Variants in CFAP77 observed in about 807,000 individuals in gnomAD.
CFAP77 encodes cilia- and flagella-associated protein 77.
CFAP77 carries 25 observed loss-of-function variants against 31.1 expected under a neutral mutation model. That is an observed-to-expected ratio of 0.80 (90% CI 0.59 to 1.12). CFAP77 has a LOEUF of 1.12. Ranked by LOEUF, CFAP77 falls within the 50% of genes most tolerant of loss-of-function variation. CFAP77 has a pLI of 0.00. For synonymous variants in CFAP77, 151 were observed against 159.9 expected (o/e 0.94, Z 0.42); for missense variants, 377 against 397.3 (o/e 0.95, Z 0.44).
At position 132,547,243 on chromosome 9, in the gene CFAP77, G is replaced by T. The variant is rs576794802; in HGVS notation, c.732+4196G>T. Among the ~76,000 whole-genome samples the T allele has an allele frequency of 7.2e-5, 11 of 152,274 alleles. No homozygotes were observed. The South Asian group carries it at 1.7e-3, about 23-fold the overall frequency. ...GCATGACTCCAGGGACAGCCAGACGGGGTCAAGTGGTGACCCTGCCACACC... is the reference window on the plus strand; with the variant it reads ...GCATGACTCCAGGGACAGCCAGACGTGGTCAAGTGGTGACCCTGCCACACC... On this transcript the variant is annotated intron_variant, in intron 5 of 5. Transcript: ENST00000393216.
chr9:132,466,463 T>C (rs116456010), intron 1 of CFAP77, among the ~76,000 whole-genome samples: 1,971 of 152,210 alleles, frequency 0.013, 46 homozygotes, highest in African/African-American at 0.045. Context: ...ACTTGGGTCA[T>C]GGGATGGGGA....
At chr9:132,412,709 T>A (rs1414209833) in intron 1 of CFAP77, among the ~76,000 whole-genome samples, 2 of 152,162 alleles carry the variant, frequency 1.3e-5, no homozygotes, top group Non-Finnish European at 2.9e-5. Flanking sequence ...CCCAGCATTA[T>A]TTTTACCACT....
chr9:132,466,410 G>A (rs766332270), intron 1 of CFAP77, among the ~76,000 whole-genome samples: 13 of 152,308 alleles, frequency 8.5e-5, no homozygotes, highest in East Asian at 1.9e-4. Context: ...ATGAAGCCAG[G>A]CACCCTTATA....
At chr9:132,465,096 A>G (rs57935815) in intron 1 of CFAP77, among the ~76,000 whole-genome samples, 23 of 150,898 alleles carry the variant, frequency 1.5e-4, no homozygotes, top group Non-Finnish European at 2.9e-4. Context: ...AAAAAAAAGA[A>G]AAAAAGAAAG....
intron 1 of CFAP77, among the ~76,000 whole-genome samples, chr9:132,436,275 C>G (rs1049648826): frequency 6.6e-6 from 1 of 152,152 alleles, no homozygotes; most frequent in African/African-American, 2.4e-5. Flanking sequence ...CCGCATCACT[C>G]TGATCTCTGC....
intron 3 of CFAP77, among the ~76,000 whole-genome samples, chr9:132,508,620 A>G (rs1389545062): frequency 6.6e-6 from 1 of 151,898 alleles, no homozygotes; most frequent in Non-Finnish European, 1.5e-5. Context: ...CAGAGAACAA[A>G]ATGAGGACCA....
At chr9:132,462,359 T>A (rs1851066260) in intron 1 of CFAP77, among the ~76,000 whole-genome samples, 1 of 152,170 alleles carries the variant, frequency 6.6e-6, no homozygotes, top group African/African-American at 2.4e-5. Flanking sequence ...GCTTCACTCA[T>A]TTATCTGCCA....
intron 3 of CFAP77, among the ~76,000 whole-genome samples, chr9:132,519,803 AATGGGTGGGTGG>A (rs1852235262): frequency 5.3e-5 from 2 of 38,026 alleles, no homozygotes; most frequent in African/African-American, 2.3e-4. Flanking sequence ...TGGATGGATG[AATGGGTGGGTGG>A]ATGGATGGAT....
intron 1 of CFAP77, among the ~76,000 whole-genome samples, chr9:132,417,170 A>G (rs1200599916): frequency 6.8e-6 from 1 of 147,950 alleles, no homozygotes; most frequent in Non-Finnish European, 1.5e-5. Context: ...GCTGGAGTGC[A>G]GTGGCACAAT....
At chr9:132,569,519 T>C (rs1355315677) in intron 5 of CFAP77, among the ~76,000 whole-genome samples, 1 of 152,172 alleles carries the variant, frequency 6.6e-6, no homozygotes, top group Non-Finnish European at 1.5e-5. Context: ...ATAGTTATTA[T>C]TACTATTTGA....
chr9:132,474,489 G>A (rs1851314247), intron 1 of CFAP77, among the ~76,000 whole-genome samples: 1 of 152,208 alleles, frequency 6.6e-6, no homozygotes, highest in South Asian at 2.1e-4. Flanking sequence ...CATTGCTCAA[G>A]TATGCAGGGA....
intron 1 of CFAP77, among the ~76,000 whole-genome samples, chr9:132,415,308 C>T (rs180791791): frequency 2.2e-4 from 33 of 152,184 alleles, no homozygotes; most frequent in African/African-American, 7.5e-4. Flanking sequence ...ACCAAAGTCT[C>T]CCACTTCTGG....
At chr9:132,485,847 G>A (rs76097674) in intron 1 of CFAP77, among the ~76,000 whole-genome samples, 2,063 of 151,186 alleles carry the variant, frequency 0.014, 37 homozygotes, top group African/African-American at 0.048. Flanking sequence ...ACCACAGACC[G>A]AAGAGGGGGT....
chr9:132,537,661 AC>A lies in CFAP77; in HGVS notation c.586del (p.Gln196LysfsTer29). ...GGTACCTGCAGCTGTGGGTACAGGA[AC>A]AAAAGGCCACCCAGAAAGCCATCAA... ...HRYLQLWVQE[Q>X]KATQKAIKLE... On this transcript the variant is annotated frameshift_variant, in exon 4 of 6. Coordinates refer to ENST00000393216, the MANE Select transcript of CFAP77 (RefSeq NM_001282957.2). LOFTEE classifies it high-confidence loss of function. 6.2e-7 allele frequency: 1 copy of A among 1,613,608 alleles called. No homozygotes were observed. Among genetic ancestry groups the A allele is most frequent in the East Asian group, 2.2e-5 (1 of 44,866 alleles).
rs1012736320 is a variant in CFAP77 at position 132,481,223 on chromosome 9, G to A, written c.196-17472G>A. 6.6e-6 allele frequency among the ~76,000 whole-genome samples: 1 copy of A among 152,016 alleles called. No individual in the cohort carries two copies. The highest frequency in any genetic ancestry group is 2.4e-5 in the African/African-American group (1 of 41,388). On this transcript the variant is annotated intron_variant, in intron 1 of 5. Coordinates refer to ENST00000393216, the MANE Select transcript of CFAP77 (RefSeq NM_001282957.2). This position sits in a 1 kb window ranked among gnomAD's most constrained non-coding sequence, Gnocchi z 5.0. ...CTCTCTGGGCCCAAGACTCCCTGCC[G>A]CGCTGCTAGACGCTTCAGCCCTGTC...
At chr9:132,526,266 G>C (rs898394711) in intron 3 of CFAP77, among the ~76,000 whole-genome samples, 1 of 151,446 alleles carries the variant, frequency 6.6e-6, no homozygotes, top group South Asian at 2.1e-4. Context: ...GTCTCACTCT[G>C]TTGCCCAGGC....
chr9:132,493,320 G>A (rs572000663), intron 1 of CFAP77, among the ~76,000 whole-genome samples: 1 of 152,314 alleles, frequency 6.6e-6, no homozygotes, highest in Non-Finnish European at 1.5e-5. Context: ...CCACTGCTAT[G>A]GGCATTCTTG....
intron 1 of CFAP77, among the ~76,000 whole-genome samples, chr9:132,489,752 C>T (rs1851622597): frequency 6.6e-6 from 1 of 152,088 alleles, no homozygotes; most frequent in Non-Finnish European, 1.5e-5. Context: ...AGTTTGCGAC[C>T]TGTCTAGGAT....
chr9:132,543,082 C>T (rs753141286), intron 5 of CFAP77, 35 bp downstream of exon 5: 8 of 1,567,784 alleles, frequency 5.1e-6, no homozygotes, highest in Non-Finnish European at 5.3e-6. Context: ...CCTCCCTGCA[C>T]CTTGCTGGCT....
Sources: gnomAD v4.1 joint callset for allele counts (sites outside exome capture counted in the v4.1 genomes callset) on GRCh38, gnomAD v4.1.1 for gene constraint, Gnocchi (gnomAD v3.1) non-coding constraint, MANE v1.5 for transcripts, NCBI Gene and HGNC (gene_info 2026-07-23, HGNC 2026-07-21) for gene names.